ADGRL4: variants seen among roughly 807,000 people sequenced by gnomAD.
ADGRL4 encodes adhesion G protein-coupled receptor L4, also known as EGF, latrophilin and seven transmembrane domain containing 1.
A neutral mutation model predicts 74.8 loss-of-function variants in ADGRL4; 90 were observed. That is an observed-to-expected ratio of 1.20 (90% CI 1.02 to 1.43). ADGRL4 has a LOEUF of 1.43. Among genes scored for constraint, ADGRL4 ranks in the 40% most tolerant of loss-of-function variants. ADGRL4 has a pLI of 0.00. For missense variants in ADGRL4, 881 were observed against 814.3 expected (o/e 1.08, Z -1.00); for synonymous variants, 311 against 279.2 (o/e 1.11, Z -1.14).
Position 78,928,243 on chromosome 1 carries a change from C to A in ADGRL4, c.878-1152G>T, listed in dbSNP as rs568815554. Among the ~76,000 whole-genome samples the A allele has an allele frequency of 2.0e-5, 3 of 151,620 alleles. No individual in the cohort carries two copies. In the East Asian group the frequency reaches 5.8e-4, roughly 29 times the overall value. On this transcript the variant is annotated intron_variant, in intron 7 of 14. Coordinates refer to ENST00000370742, the MANE Select transcript of ADGRL4 (RefSeq NM_022159.4). ...GTGAAGAAAAATATTTATTTAACAT[C>A]AATTTTTGACTTTTGATAAGGGGTA...
At chr1:78,991,722 T>A (rs1053719964) in intron 2 of ADGRL4, among the ~76,000 whole-genome samples, 1 of 151,828 alleles carries the variant, frequency 6.6e-6, no homozygotes, top group African/African-American at 2.4e-5. Flanking sequence ...GTCAACCAAC[T>A]AAGTATAATG....
At chr1:78,922,286 T>G (rs1649017029) in intron 8 of ADGRL4, among the ~76,000 whole-genome samples, 4 of 151,982 alleles carry the variant, frequency 2.6e-5, no homozygotes, top group Admixed American at 2.6e-4. Flanking sequence ...AAGCAGGCAC[T>G]TCGATGACGT....
Position 78,889,941 on chromosome 1 carries a change from T to C in ADGRL4, c.*1213A>G. ...TGCTTATACATTTTAATGAGAAGAT[T>C]TAAAGACAGATAGAAGCTATATATT... On this transcript the variant is annotated 3_prime_UTR_variant, in exon 15 of 15. Coordinates refer to ENST00000370742, the MANE Select transcript of ADGRL4 (RefSeq NM_022159.4). 1 of 358,806 alleles carries C rather than the reference T, an allele frequency of 2.8e-6. No individual in the cohort carries two copies. The highest frequency in any genetic ancestry group is 5.7e-6 in the Non-Finnish European group (1 of 175,144). 22.2% of individuals were successfully genotyped at this position (358,806 alleles called of 1,614,324 possible).
chr1:78,973,241 A>G (rs1165842181), intron 2 of ADGRL4, among the ~76,000 whole-genome samples: 1 of 152,104 alleles, frequency 6.6e-6, no homozygotes, highest in Non-Finnish European at 1.5e-5. Context: ...TTTACTCCAT[A>G]TAACAGAGTA....
intron 7 of ADGRL4, among the ~76,000 whole-genome samples, chr1:78,930,041 A>G (rs1225986248): frequency 6.6e-6 from 1 of 151,446 alleles, no homozygotes; most frequent in East Asian, 1.9e-4. Flanking sequence ...CAATGGGAGC[A>G]TGACTTAGTT....
chr1:78,893,317 C>G (rs868281305), intron 12 of ADGRL4, 128 bp from the exon 13 acceptor site: 3 of 648,410 alleles, frequency 4.6e-6, no homozygotes, highest in Non-Finnish European at 7.8e-6. Flanking sequence ...TAGTTCTTTA[C>G]AATATCACTG....
At chr1:78,910,538 TC>T (rs1648739960) in intron 12 of ADGRL4, among the ~76,000 whole-genome samples, 1 of 151,878 alleles carries the variant, frequency 6.6e-6, no homozygotes, top group South Asian at 2.1e-4. Flanking sequence ...ATGCTATTCT[TC>T]AATGCTGAAT....
At chr1:78,903,967 AAATAAATAAAT>A (rs796853280) in intron 12 of ADGRL4, among the ~76,000 whole-genome samples, 37 of 111,168 alleles carry the variant, frequency 3.3e-4, no homozygotes, top group East Asian at 7.8e-4. Flanking sequence ...ATAAATAAAT[AAATAAATAAAT>A]AATAATAATA....
rs556291666 is a variant in ADGRL4, at chr1:78,915,281, T to C, written c.1749+2353A>G. ...CAGGTGCTAGTCTCTAGGTTCACAT[T>C]TGGCTCGAAATCAGGGGATATATGG... On this transcript the variant is annotated intron_variant, in intron 12 of 14. Coordinates refer to ENST00000370742, the MANE Select transcript of ADGRL4 (RefSeq NM_022159.4). 1.4e-4 allele frequency among the ~76,000 whole-genome samples: 22 copies of C among 151,874 alleles called. No individual in the cohort carries two copies. The East Asian group carries it at 3.7e-3, about 26-fold the overall frequency.
At chr1:78,930,823 ATC>A (rs1649225127) in intron 7 of ADGRL4, among the ~76,000 whole-genome samples, 1 of 151,400 alleles carries the variant, frequency 6.6e-6, no homozygotes, top group Non-Finnish European at 1.5e-5. Context: ...CATGGAACAA[ATC>A]TATTAAGTTT....
chr1:78,903,386 T>A (rs1167103221), intron 12 of ADGRL4, among the ~76,000 whole-genome samples: 1 of 152,182 alleles, frequency 6.6e-6, no homozygotes, highest in Non-Finnish European at 1.5e-5. Context: ...TTTTCTTACT[T>A]CTACAGTGTG....
intron 8 of ADGRL4, 131 bp from the exon 9 acceptor site, chr1:78,921,917 CA>C: frequency 2.2e-6 from 1 of 457,118 alleles, no homozygotes; most frequent in East Asian, 3.6e-5. Flanking sequence ...CAAATTATAA[CA>C]AAGGCTGCTA....
chr1:78,959,375 T>A (rs1308083105), intron 2 of ADGRL4, among the ~76,000 whole-genome samples: 1 of 152,230 alleles, frequency 6.6e-6, no homozygotes, highest in African/African-American at 2.4e-5. Flanking sequence ...GCAATCAGTT[T>A]TTTAGGCAGT....
intron 2 of ADGRL4, among the ~76,000 whole-genome samples, chr1:78,972,012 C>T (rs1650178766): frequency 1.3e-5 from 2 of 152,186 alleles, no homozygotes; most frequent in East Asian, 1.9e-4. Context: ...GCCTCAGCCT[C>T]CCAAAGTACT....
chr1:78,958,148 C>T (rs776566572), intron 2 of ADGRL4, among the ~76,000 whole-genome samples: 2 of 152,172 alleles, frequency 1.3e-5, no homozygotes, highest in African/African-American at 2.4e-5. Context: ...TATTACTGCT[C>T]ATTGTCAATC....
chr1:78,921,755 A>C lies in ADGRL4; in HGVS notation c.1115T>G (p.Phe372Cys), dbSNP rs1332107969. 3 of 1,596,874 alleles carry C rather than the reference A, an allele frequency of 1.9e-6. No homozygotes were observed. The highest frequency in any genetic ancestry group is 2.6e-6 in the Non-Finnish European group (3 of 1,172,838). Residue 372 changes from phenylalanine to cysteine, a missense_variant, in exon 9 of 15, where the codon TTT becomes TGT. Physicochemically the swap from Phe to Cys is radical, Grantham distance 205 (BLOSUM62 -2). Transcript: ENST00000370742. Reference sequence around the variant, plus strand: ...CATGGTATCAGGTGAGTAATTCCAAAATGCACATAGACTCCTATACCTATC... The same window carrying C: ...CATGGTATCAGGTGAGTAATTCCAACATGCACATAGACTCCTATACCTATC... ...VTDRYRSLCA[F>C]WNYSPDTMNG...
At chr1:78,942,579 T>C (rs1649510414) in intron 3 of ADGRL4, among the ~76,000 whole-genome samples, 1 of 152,184 alleles carries the variant, frequency 6.6e-6, no homozygotes, top group African/African-American at 2.4e-5. Context: ...GATTTTAAAC[T>C]AATAATTTGA....
chr1:78,942,043 C>T (rs1415067280), intron 3 of ADGRL4, among the ~76,000 whole-genome samples: 1 of 151,684 alleles, frequency 6.6e-6, no homozygotes, highest in Non-Finnish European at 1.5e-5. Flanking sequence ...ACTAAAAATA[C>T]AAAAAATTAG....
At position 78,904,435 on chromosome 1, in the gene ADGRL4, C is replaced by A. The variant is rs548310030; in HGVS notation, c.1750-11246G>T. Among the ~76,000 whole-genome samples the A allele has an allele frequency of 2.2e-3, 341 of 151,976 alleles. 1 individual carries two copies. Among genetic ancestry groups the A allele is most frequent in the African/African-American group, 7.8e-3 (322 of 41,494 alleles). ...TTTTAAATATTGTTATTTCATCTTT[C>A]ATTCTTTAATATATATTTTAAAGTA... On this transcript the variant is annotated intron_variant, in intron 12 of 14. Coordinates refer to ENST00000370742, the MANE Select transcript of ADGRL4 (RefSeq NM_022159.4).
Sources: allele counts gnomAD v4.1 joint callset (sites outside exome capture counted in the v4.1 genomes callset), GRCh38; gene constraint gnomAD v4.1.1; transcripts MANE v1.5; gene names NCBI Gene and HGNC (gene_info 2026-07-23, HGNC 2026-07-21).